Variants in TCTN1 observed in about 807,000 individuals in gnomAD.
TCTN1 encodes tectonic family member 1.
Under a neutral mutation model 65.8 loss-of-function variants are expected in TCTN1, and 58 were observed. The ratio of observed to expected loss-of-function variants is 0.88; its 90% confidence interval spans 0.71 to 1.10. The LOEUF is 1.10. Ranked by LOEUF, TCTN1 falls within the 50% of genes least tolerant of loss-of-function variation. TCTN1 has a pLI of 0.00. For missense variants in TCTN1, 645 were observed against 719.4 expected, an observed-to-expected ratio of 0.90 and a Z score of 1.18; for synonymous variants, 273 against 289.1, an observed-to-expected ratio of 0.94 and a Z score of 0.57.
intron 1 of TCTN1, among the ~76,000 whole-genome samples, chr12:110,618,903 G>A (rs2065231309): frequency 6.6e-6 from 1 of 151,870 alleles, no homozygotes; most frequent in Admixed American, 6.6e-5. Flanking sequence ...AGGAGTGGTG[G>A]CTCACACCTG....
At position 110,644,356 on chromosome 12, in the gene TCTN1, A is replaced by G. The variant is rs576276779; in HGVS notation, c.1332-611A>G. ...GATAATCCCTCATTTGGAGAATGAG[A>G]AGATAATGAAACTGGGAAGGAATGG... On this transcript the variant is annotated intron_variant, in intron 11 of 14. Coordinates refer to ENST00000397659, the MANE Select transcript of TCTN1 (RefSeq NM_001082538.3). This position sits in a 1 kb window ranked among gnomAD's most constrained non-coding sequence, Gnocchi z 4.6. 6.3e-6 allele frequency: 1 copy of G among 157,870 alleles called. No homozygotes were observed. Among genetic ancestry groups the G allele is most frequent in the Admixed American group, 6.1e-5 (1 of 16,520 alleles). The allele number at this position is 157,870 out of a possible 1,614,324, so 9.8% of individuals were successfully genotyped here.
chr12:110,637,493 TG>T (rs1380267955), intron 7 of TCTN1, among the ~76,000 whole-genome samples: 1 of 151,944 alleles, frequency 6.6e-6, no homozygotes, highest in Non-Finnish European at 1.5e-5. Flanking sequence ...TGAGGAATGA[TG>T]GATGTTACTT....
intron 9 of TCTN1, 36 bp from the exon 10 acceptor site, chr12:110,641,506 A>C (rs1467157534): frequency 6.4e-7 from 1 of 1,573,202 alleles, no homozygotes; most frequent in Non-Finnish European, 8.8e-7. Flanking sequence ...TATTAAAATG[A>C]GAATTATTTG....
intron 13 of TCTN1, 187 bp downstream of exon 13, chr12:110,647,523 G>T: frequency 1.0e-6 from 1 of 1,004,096 alleles, no homozygotes; most frequent in South Asian, 1.5e-5. Context: ...TTCTGGTTCA[G>T]ATTGGATCTT....
chr12:110,628,299 A>G, intron 3 of TCTN1: 1 of 1,455,530 alleles, frequency 6.9e-7, no homozygotes, highest in Non-Finnish European at 9.2e-7. Context: ...TTGTTTAATA[A>G]GCTTTAAAAA....
intron 1 of TCTN1, among the ~76,000 whole-genome samples, chr12:110,619,331 T>C (rs1268884681): frequency 6.6e-6 from 1 of 152,196 alleles, no homozygotes; most frequent in Non-Finnish European, 1.5e-5. Context: ...TGAGTTCAGC[T>C]TTAAAGCAGC....
intron 11 of TCTN1, among the ~76,000 whole-genome samples, chr12:110,642,696 G>T (rs1442388985): frequency 1.3e-5 from 2 of 151,826 alleles, no homozygotes; most frequent in Non-Finnish European, 2.9e-5. Flanking sequence ...GACCTCCTGG[G>T]CTCAAGGGAT....
At chr12:110,614,628 C>A (rs2064909884) in intron 1 of TCTN1, among the ~76,000 whole-genome samples, 1 of 152,190 alleles carries the variant, frequency 6.6e-6, no homozygotes. Flanking sequence ...TTAAGTGGAA[C>A]GGTATCAAAC....
At chr12:110,631,740 A>G (rs918345545) in intron 4 of TCTN1, among the ~76,000 whole-genome samples, 35 of 152,356 alleles carry the variant, frequency 2.3e-4, no homozygotes, top group Middle Eastern at 3.4e-3. Flanking sequence ...TCCACAATGA[A>G]CATTCTCATA....
intron 2 of TCTN1, among the ~76,000 whole-genome samples, chr12:110,622,438 G>C (rs992386638): frequency 1.3e-5 from 2 of 152,302 alleles, no homozygotes; most frequent in South Asian, 2.1e-4. Flanking sequence ...GGGAGACAGA[G>C]GAGTGGATGG....
intron 12 of TCTN1, chr12:110,646,132 T>C (rs558587390): frequency 2.0e-5 from 3 of 152,276 alleles, no homozygotes; most frequent in African/African-American, 7.2e-5. Flanking sequence ...TGATCCTGGG[T>C]GCTCAGAGGG....
In TCTN1 at chr12:110,642,526, T is replaced by G. The variant is rs896043769; in HGVS notation, c.1331+137T>G. 3.2e-6 allele frequency: 4 copies of G among 1,237,558 alleles called. No individual in the cohort carries two copies. The African/African-American group carries it at 6.0e-5, about 19-fold the overall frequency. The allele number at this position is 1,237,558 out of a possible 1,614,324, so 76.7% of individuals were successfully genotyped here. On this transcript the variant is annotated intron_variant, in intron 11 of 14. Transcript: ENST00000397659. Reference sequence around the variant, plus strand: ...GCCACATATAGTATATCATCATGCATGAATAGTAGCAAAACTGTTACAATC... The same window carrying G: ...GCCACATATAGTATATCATCATGCAGGAATAGTAGCAAAACTGTTACAATC...
rs1294671747 is a variant in TCTN1 at position 110,639,466 on chromosome 12, G to C, written c.844-917G>C. 6.6e-6 allele frequency among the ~76,000 whole-genome samples: 1 copy of C among 152,062 alleles called. No individual in the cohort carries two copies. The highest frequency in any genetic ancestry group is 2.4e-5 in the African/African-American group (1 of 41,372). ...TGTGTGTGTGTGTGTGTGTGTATGTGTGTGTGAGCGTGCTTGCGCTTGTAT... is the reference window on the plus strand; with the variant it reads ...TGTGTGTGTGTGTGTGTGTGTATGTCTGTGTGAGCGTGCTTGCGCTTGTAT... On this transcript the variant is annotated intron_variant, in intron 7 of 14. Transcript: ENST00000397659. This position sits in a 1 kb window ranked among gnomAD's most constrained non-coding sequence, Gnocchi z 4.9.
At position 110,626,485 on chromosome 12, in the gene TCTN1, T is replaced by G. The variant is rs1173583071; in HGVS notation, c.465T>G (p.Ile155Met). ...QINPSIFCIH[I>M]TNYKPALSFI... is the part of the protein sequence containing the mutation. ...ATCCATCTATTTTCTGCATTCATATTACAAACTGTAAGTATTTGACATTGA... is the reference window on the plus strand; with the variant it reads ...ATCCATCTATTTTCTGCATTCATATGACAAACTGTAAGTATTTGACATTGA... Residue 155 changes from isoleucine (I) to methionine (M), a missense_variant, in exon 3 of 15, where the codon ATT becomes ATG. Physicochemically the swap from Ile to Met is conservative, Grantham distance 10. Coordinates refer to ENST00000397659, the MANE Select transcript of TCTN1 (RefSeq NM_001082538.3). 1 of 1,612,192 alleles carries G rather than the reference T, an allele frequency of 6.2e-7. No homozygotes were observed. The highest frequency in any genetic ancestry group is 8.5e-7 in the Non-Finnish European group (1 of 1,179,388).
intron 1 of TCTN1, among the ~76,000 whole-genome samples, chr12:110,617,637 TTTTC>T (rs563042747): frequency 1.4e-3 from 207 of 151,182 alleles, no homozygotes; most frequent in African/African-American, 4.6e-3. Flanking sequence ...TCTTTTCTCT[TTTTC>T]TTTCTTTTTT....
intron 2 of TCTN1, among the ~76,000 whole-genome samples, chr12:110,620,560 A>AT (rs770460745): frequency 2.6e-5 from 4 of 152,200 alleles, no homozygotes; most frequent in Non-Finnish European, 4.4e-5. Context: ...CAGTGGTCAC[A>AT]TTTTTTGTAT....
intron 1 of TCTN1, chr12:110,616,332 G>T (rs1351680083): frequency 4.7e-6 from 2 of 426,066 alleles, no homozygotes; most frequent in African/African-American, 2.0e-5. Flanking sequence ...GCTCACTGCA[G>T]CCTCGACCTC....
intron 4 of TCTN1, among the ~76,000 whole-genome samples, chr12:110,631,681 A>C (rs1309304931): frequency 6.6e-6 from 1 of 152,200 alleles, no homozygotes; most frequent in Non-Finnish European, 1.5e-5. Flanking sequence ...CTGTGTATGT[A>C]TCTGAGCTGT....
At chr12:110,632,610 G>A in intron 5 of TCTN1, 51 bp downstream of exon 5, 1 of 1,597,132 alleles carries the variant, frequency 6.3e-7, no homozygotes, top group East Asian at 2.2e-5. Context: ...TTATTATTAG[G>A]TTGGTGGAAA....
Sources: gnomAD v4.1 joint callset for allele counts (sites outside exome capture counted in the v4.1 genomes callset) on GRCh38, gnomAD v4.1.1 for gene constraint, Gnocchi (gnomAD v3.1) non-coding constraint, MANE v1.5 for transcripts, NCBI Gene and HGNC (gene_info 2026-07-23, HGNC 2026-07-21) for gene names.